RAB14: variants seen among roughly 807,000 people sequenced by gnomAD.
The protein encoded by RAB14 is RAB14, member RAS oncogene family, also known as ras-related protein Rab-14.
RAB14 carries 3 observed loss-of-function variants against 31.1 expected under a neutral mutation model. The ratio of observed to expected loss-of-function variants is 0.10; its 90% CI spans 0.04 to 0.25. RAB14 has a LOEUF of 0.25. Among genes scored for constraint, RAB14 ranks in the 10% least tolerant of loss-of-function variants. RAB14 has a pLI of 1.00. For synonymous variants in RAB14, 85 were observed against 84.9 expected (o/e 1.00, Z 0.00); for missense variants, 111 against 260.1 (o/e 0.43, Z 3.94).
intron 4 of RAB14, among the ~76,000 whole-genome samples, chr9:121,189,236 T>C (rs1296232134): frequency 1.3e-5 from 2 of 152,260 alleles, no homozygotes; most frequent in Middle Eastern, 3.4e-3. Context: ...AGTACTTTTT[T>C]TGATGACTTG....
intron 1 of RAB14, among the ~76,000 whole-genome samples, chr9:121,194,129 C>CACACACA (rs1402959041): frequency 1.4e-5 from 2 of 146,356 alleles, no homozygotes; most frequent in Admixed American, 7.0e-5. Flanking sequence ...CACACACACA[C>CACACACA]ATTTTTTGAA....
intron 7 of RAB14, 58 bp downstream of exon 7, chr9:121,182,872 G>C: frequency 1.4e-6 from 2 of 1,438,980 alleles, no homozygotes; most frequent in Non-Finnish European, 1.9e-6. Flanking sequence ...TCATATATAC[G>C]GTTCTACTTT....
At chr9:121,183,092 A>C in intron 6 of RAB14, 132 bp from the exon 7 acceptor site, 1 of 893,904 alleles carries the variant, frequency 1.1e-6, no homozygotes, top group South Asian at 1.6e-5. Context: ...AAAAGTATGT[A>C]AGTTTGAGGT....
chr9:121,198,273 CATA>C (rs1198966614), intron 1 of RAB14, among the ~76,000 whole-genome samples: 1 of 152,160 alleles, frequency 6.6e-6, no homozygotes, highest in Admixed American at 6.5e-5. Flanking sequence ...ATCTCCCACT[CATA>C]ATATTCCCAA....
chr9:121,198,617 CGTTTT>C, intron 1 of RAB14, among the ~76,000 whole-genome samples: 1 of 152,242 alleles, frequency 6.6e-6, no homozygotes, highest in East Asian at 1.9e-4. Flanking sequence ...ACATGCACGA[CGTTTT>C]GTTAAAAATA....
intron 4 of RAB14, among the ~76,000 whole-genome samples, chr9:121,190,023 C>T (rs922656238): frequency 1.3e-5 from 2 of 151,986 alleles, no homozygotes; most frequent in Admixed American, 1.3e-4. Context: ...AAATTTAAAC[C>T]TACTGCATGT....
chr9:121,181,282 C>CTT lies in RAB14; in HGVS notation c.*112_*113dup. ...AACTGTTTTTACAACAGAGTTTTTT[C>CTT]TTTTTTTTTAATTAAACCCAGTAAG... is the stretch of plus-strand genomic sequence containing the variant. On this transcript the variant is annotated 3_prime_UTR_variant, in exon 8 of 8. Transcript: ENST00000373840. 8.9e-7 allele frequency: 1 copy of CTT among 1,124,266 alleles called. No homozygotes were observed. The allele number at this position is 1,124,266 out of a possible 1,614,324, so 69.6% of individuals were successfully genotyped here. A position where few individuals can be genotyped will look rare whatever the true frequency, so the allele number is the denominator to read the frequency against.
At chr9:121,185,493 A>T (rs187087368) in intron 5 of RAB14, among the ~76,000 whole-genome samples, 1 of 152,116 alleles carries the variant, frequency 6.6e-6, no homozygotes, top group East Asian at 1.9e-4. Context: ...ATCAGGATAC[A>T]GAACTGTTCT....
intron 1 of RAB14, among the ~76,000 whole-genome samples, chr9:121,198,489 A>G (rs2053731055): frequency 6.6e-6 from 1 of 152,238 alleles, no homozygotes; most frequent in Non-Finnish European, 1.5e-5. Flanking sequence ...ATGTTACTGT[A>G]TAATTTTTAC....
intron 5 of RAB14, among the ~76,000 whole-genome samples, chr9:121,184,747 T>G (rs2053650547): frequency 6.6e-6 from 1 of 152,200 alleles, no homozygotes; most frequent in Admixed American, 6.5e-5. Flanking sequence ...GTGGACAAAG[T>G]GCCCACTGTG....
At chr9:121,193,291 G>A (rs934675702) in intron 2 of RAB14, 70 bp downstream of exon 2, 1 of 1,031,020 alleles carries the variant, frequency 9.7e-7, no homozygotes, top group Admixed American at 2.0e-5. Context: ...TACTGTTTAA[G>A]TATTAACATA....
At chr9:121,200,763 G>A (rs1454011836) in intron 1 of RAB14, among the ~76,000 whole-genome samples, 1 of 152,230 alleles carries the variant, frequency 6.6e-6, no homozygotes, top group Admixed American at 6.5e-5. Flanking sequence ...TCAACAGCCA[G>A]ACACACATCA....
intron 1 of RAB14, among the ~76,000 whole-genome samples, chr9:121,201,030 C>A (rs1369031720): frequency 6.6e-6 from 1 of 152,092 alleles, no homozygotes; most frequent in Non-Finnish European, 1.5e-5. Flanking sequence ...AAAACCAGGA[C>A]ATCGCAAGCA....
At chr9:121,198,584 A>G (rs776012442) in intron 1 of RAB14, among the ~76,000 whole-genome samples, 12 of 152,200 alleles carry the variant, frequency 7.9e-5, no homozygotes, top group African/African-American at 1.4e-4. Context: ...ATTTCCACTG[A>G]TAAGTTTTTT....
chr9:121,191,506 A>T (rs1431741810), intron 3 of RAB14, among the ~76,000 whole-genome samples: 1 of 152,128 alleles, frequency 6.6e-6, no homozygotes, highest in African/African-American at 2.4e-5. Context: ...ACACCTGGCT[A>T]ACATATACTA....
rs2053681318 is a variant in RAB14, at chr9:121,190,548, T to A, written c.284+6A>T. 3.2e-6 allele frequency: 5 copies of A among 1,572,642 alleles called. No homozygotes were observed. In the East Asian group the frequency reaches 1.1e-4, roughly 36 times the overall value. ...CCCATATGAAGGTTGAAAAATTATCTCTTACCTAGTGATATCATAGACCAT... is the reference window on the plus strand; with the variant it reads ...CCCATATGAAGGTTGAAAAATTATCACTTACCTAGTGATATCATAGACCAT... On this transcript the variant is annotated splice_donor_region_variant and intron_variant, in intron 4 of 7. Transcript: ENST00000373840.
At chr9:121,189,589 T>C (rs1015785298) in intron 4 of RAB14, among the ~76,000 whole-genome samples, 2 of 152,106 alleles carry the variant, frequency 1.3e-5, no homozygotes, top group African/African-American at 4.8e-5. Context: ...AGGCAGCATT[T>C]CCCAAAGTGT....
intron 4 of RAB14, among the ~76,000 whole-genome samples, chr9:121,188,813 T>G (rs2053671674): frequency 1.3e-5 from 2 of 152,072 alleles, no homozygotes; most frequent in Admixed American, 6.6e-5. Context: ...TACAATATAA[T>G]GAACATATCA....
chr9:121,201,205 T>A (rs2132035130), intron 1 of RAB14, among the ~76,000 whole-genome samples: 1 of 152,094 alleles, frequency 6.6e-6, no homozygotes, highest in East Asian at 1.9e-4. Flanking sequence ...CCGCCACGTC[T>A]GGGGCTTGCG....
Sources: allele counts gnomAD v4.1 joint callset (sites outside exome capture counted in the v4.1 genomes callset), GRCh38; gene constraint gnomAD v4.1.1; transcripts MANE v1.5; gene names NCBI Gene and HGNC (gene_info 2026-07-23, HGNC 2026-07-21).